Variants in CREB3L2 observed in about 807,000 individuals in gnomAD.
CREB3L2 encodes cyclic AMP-responsive element-binding protein 3-like protein 2.
CREB3L2 carries 23 observed loss-of-function variants against 57.2 expected under a neutral mutation model. That is an observed-to-expected ratio of 0.40 (90% CI 0.29 to 0.57). CREB3L2 has a LOEUF of 0.57. Ranked by LOEUF, CREB3L2 falls within the 20% of genes least tolerant of loss-of-function variation. CREB3L2 has a pLI of 0.42. For synonymous variants in CREB3L2, 268 were observed against 265.1 expected, an observed-to-expected ratio of 1.01 and a Z score of -0.11; for missense variants, 628 against 634.7, an observed-to-expected ratio of 0.99 and a Z score of 0.11.
intron 1 of CREB3L2, among the ~76,000 whole-genome samples, chr7:137,985,262 C>G (rs1009012538): frequency 2.0e-5 from 3 of 152,148 alleles, no homozygotes; most frequent in Non-Finnish European, 4.4e-5. Context: ...CAACTTAGAA[C>G]CTGATTCCCA....
At chr7:137,888,688 C>T (rs540034294) in intron 8 of CREB3L2, among the ~76,000 whole-genome samples, 1 of 152,196 alleles carries the variant, frequency 6.6e-6, no homozygotes, top group African/African-American at 2.4e-5. Context: ...CAACCACTCT[C>T]TATGGTAGGA....
chr7:137,935,713 T>C (rs981298421), intron 1 of CREB3L2, among the ~76,000 whole-genome samples: 1 of 152,166 alleles, frequency 6.6e-6, no homozygotes, highest in Non-Finnish European at 1.5e-5. Flanking sequence ...TATAACATCC[T>C]AACGAAATAG....
intron 8 of CREB3L2, among the ~76,000 whole-genome samples, chr7:137,888,124 G>A (rs1207162525): frequency 1.3e-5 from 2 of 151,916 alleles, no homozygotes; most frequent in Non-Finnish European, 2.9e-5. Context: ...GCCCAGCTAA[G>A]TTTCTTTTCT....
intron 2 of CREB3L2, among the ~76,000 whole-genome samples, chr7:137,923,385 A>C (rs747589941): frequency 3.1e-4 from 47 of 152,230 alleles, no homozygotes; most frequent in Non-Finnish European, 2.4e-4. Context: ...TACAAACCCA[A>C]GCTTCAGATG....
intron 4 of CREB3L2, 114 bp downstream of exon 4, chr7:137,912,877 G>T (rs1800044264): frequency 1.3e-6 from 2 of 1,549,366 alleles, no homozygotes; most frequent in Admixed American, 3.9e-5. Context: ...ATTTCATAAA[G>T]CCAGCTACAA....
rs747820392 is a variant in CREB3L2 at position 137,913,048 on chromosome 7, T to C, written c.526A>G (p.Lys176Glu). The C allele has an allele frequency of 3.3e-5, 53 of 1,613,798 alleles. No homozygotes were observed. In the East Asian group the frequency reaches 1.1e-3, roughly 33 times the overall value. ...ACTTCATGAGGCTCCAGCTTAATTT[T>C]AGGAATAATGGTCTGGCACGAGGAA... ...VDSSCQTIIP[K>E]IKLEPHEVDQ... The change falls in exon 4 of 12, where the codon AAA becomes GAA. Residue 176 changes from lysine to glutamate, a missense_variant. Physicochemically the swap from Lys to Glu is moderately conservative, Grantham distance 56. Transcript: ENST00000330387.
chr7:137,910,256 C>T (rs1563248549), intron 4 of CREB3L2, among the ~76,000 whole-genome samples: 1 of 152,028 alleles, frequency 6.6e-6, no homozygotes, highest in Non-Finnish European at 1.5e-5. Flanking sequence ...ATTGCGATTC[C>T]CTGTCTCTCT....
chr7:137,895,645 A>AAAAAAAAAAAAG (rs922884591), intron 8 of CREB3L2, among the ~76,000 whole-genome samples: 1 of 151,568 alleles, frequency 6.6e-6, no homozygotes, highest in Admixed American at 6.6e-5. Context: ...TCCAGTACAA[A>AAAAAAAAAAAAG]AAAAAAAAGA....
intron 1 of CREB3L2, among the ~76,000 whole-genome samples, chr7:137,929,010 A>G (rs1800546750): frequency 6.6e-6 from 1 of 152,224 alleles, no homozygotes; most frequent in Non-Finnish European, 1.5e-5. Flanking sequence ...CTCTGTTTCT[A>G]TAGCACAAAG....
At chr7:137,951,139 C>T (rs1801084676) in intron 1 of CREB3L2, among the ~76,000 whole-genome samples, 1 of 152,200 alleles carries the variant, frequency 6.6e-6, no homozygotes, top group East Asian at 1.9e-4. Context: ...GGTTCCTTTT[C>T]ATGGTCTATT....
chr7:137,936,028 G>C, intron 1 of CREB3L2: 1 of 631,112 alleles, frequency 1.6e-6, no homozygotes, highest in Non-Finnish European at 2.0e-6. Flanking sequence ...GAACAAAGTG[G>C]GAGGAAAAGG....
intron 6 of CREB3L2, among the ~76,000 whole-genome samples, chr7:137,904,392 G>A (rs1022436106): frequency 1.1e-4 from 16 of 152,284 alleles, no homozygotes; most frequent in African/African-American, 3.4e-4. Flanking sequence ...AATGGCAGGC[G>A]CAGTGGCTCT....
chr7:137,946,042 C>T (rs1019130162), intron 1 of CREB3L2, among the ~76,000 whole-genome samples: 2 of 152,204 alleles, frequency 1.3e-5, no homozygotes, highest in Non-Finnish European at 2.9e-5. Context: ...TTAAATCCCT[C>T]TGCTTTTATG....
intron 1 of CREB3L2, among the ~76,000 whole-genome samples, chr7:137,957,323 T>C (rs987527067): frequency 1.3e-5 from 2 of 152,232 alleles, no homozygotes; most frequent in Non-Finnish European, 2.9e-5. Context: ...CCACTTACTT[T>C]CTGCATTTTT....
At chr7:137,905,145 C>T (rs1799857218) in intron 6 of CREB3L2, among the ~76,000 whole-genome samples, 1 of 151,752 alleles carries the variant, frequency 6.6e-6, no homozygotes, top group African/African-American at 2.4e-5. Context: ...GCCTGCTCAG[C>T]ACTGAGGGGC....
intron 1 of CREB3L2, among the ~76,000 whole-genome samples, chr7:137,942,174 T>A (rs1800891490): frequency 6.6e-6 from 1 of 152,240 alleles, no homozygotes; most frequent in African/African-American, 2.4e-5. Flanking sequence ...CCAGCAATTA[T>A]AATTTTTAGG....
At position 137,880,303 on chromosome 7, in the gene CREB3L2, G is replaced by C; in HGVS notation, c.*173C>G. The C allele has an allele frequency of 6.4e-6, 4 of 628,232 alleles. No individual in the cohort carries two copies. Among genetic ancestry groups the C allele is most frequent in the African/African-American group, 1.8e-5 (1 of 54,750 alleles). 38.9% of individuals were successfully genotyped at this position (628,232 alleles called of 1,614,324 possible). ...TGCACAGGAGGGGCATGGACCAGGG[G>C]GAGATGCTCTCTCACTGCAGGGAAG... On this transcript the variant is annotated 3_prime_UTR_variant, in exon 12 of 12. Coordinates refer to ENST00000330387, the MANE Select transcript of CREB3L2 (RefSeq NM_194071.4). This position sits in a 1 kb window ranked among gnomAD's most constrained non-coding sequence, Gnocchi z 4.0.
At chr7:137,939,483 T>C (rs1450282637) in intron 1 of CREB3L2, among the ~76,000 whole-genome samples, 1 of 152,228 alleles carries the variant, frequency 6.6e-6, no homozygotes, top group Non-Finnish European at 1.5e-5. Flanking sequence ...AGGATCCTTT[T>C]AGAGCAGACA....
At chr7:138,000,692 C>A (rs1585687567) in intron 1 of CREB3L2, among the ~76,000 whole-genome samples, 1 of 152,126 alleles carries the variant, frequency 6.6e-6, no homozygotes, top group East Asian at 1.9e-4. Flanking sequence ...TCACCCCAGC[C>A]CCACCCCCAT....
Sources: allele counts gnomAD v4.1 joint callset (sites outside exome capture counted in the v4.1 genomes callset), GRCh38; gene constraint gnomAD v4.1.1; non-coding constraint Gnocchi (gnomAD v3.1); transcripts MANE v1.5; gene names NCBI Gene and HGNC (gene_info 2026-07-23, HGNC 2026-07-21).